The following MOB3B variants were observed in gnomAD, a reference collection of about 807,000 sequenced individuals.
The protein encoded by MOB3B is MOB kinase activator 3B, also known as MOB kinase activator-like 2B.
A neutral mutation model predicts 18.7 loss-of-function variants in MOB3B; 7 were observed. That is an observed-to-expected ratio of 0.37 (90% CI 0.21 to 0.70). The LOEUF (loss-of-function observed/expected upper bound fraction) is 0.70. MOB3B is among the 30% of genes least tolerant of loss of function. The pLI is 0.52. For missense variants in MOB3B, 253 were observed against 281.3 expected (o/e 0.90, Z 0.72); for synonymous variants, 111 against 99.9 (o/e 1.11, Z -0.66).
chr9:27,457,118 T>C (rs1819185967), intron 1 of MOB3B, among the ~76,000 whole-genome samples: 1 of 152,232 alleles, frequency 6.6e-6, no homozygotes, highest in South Asian at 2.1e-4. Flanking sequence ...GTTTGTTGAC[T>C]CCTAGCAAAT....
chr9:27,468,676 A>G (rs909849348), intron 1 of MOB3B, among the ~76,000 whole-genome samples: 7 of 152,184 alleles, frequency 4.6e-5, no homozygotes, highest in African/African-American at 1.7e-4. Context: ...GGTACCTAAC[A>G]CAGGACCCAG....
At chr9:27,481,647 T>G (rs1819658264) in intron 1 of MOB3B, among the ~76,000 whole-genome samples, 1 of 151,404 alleles carries the variant, frequency 6.6e-6, no homozygotes, top group African/African-American at 2.4e-5. Context: ...TGCCTCAGCC[T>G]CCCAAGTAGC....
chr9:27,524,740 A>T, intron 1 of MOB3B: 1 of 1,614,000 alleles, frequency 6.2e-7, no homozygotes, highest in Non-Finnish European at 8.5e-7. Context: ...GACAAGAATG[A>T]AAATGAAGAC....
chr9:27,364,713 G>T (rs1283956302), intron 2 of MOB3B, among the ~76,000 whole-genome samples: 2 of 152,192 alleles, frequency 1.3e-5, no homozygotes, highest in Non-Finnish European at 2.9e-5. Flanking sequence ...GTAGCTTAGG[G>T]TGTTGTGCAG....
At chr9:27,528,793 G>C (rs970060051) in intron 1 of MOB3B, among the ~76,000 whole-genome samples, 1 of 152,126 alleles carries the variant, frequency 6.6e-6, no homozygotes, top group South Asian at 2.1e-4. Flanking sequence ...GGGGGATCCC[G>C]AGAGATTTAG....
chr9:27,473,569 C>A (rs1271325826), intron 1 of MOB3B, among the ~76,000 whole-genome samples: 1 of 152,084 alleles, frequency 6.6e-6, no homozygotes, highest in Non-Finnish European at 1.5e-5. Context: ...ACACAGGGAC[C>A]TGACAATAGA....
At chr9:27,421,794 G>C (rs1428045688) in intron 2 of MOB3B, 2 of 152,332 alleles carry the variant, frequency 1.3e-5, no homozygotes, top group Non-Finnish European at 2.9e-5. Flanking sequence ...GCTTTCTCCA[G>C]ATGTCGGAGG....
chr9:27,354,474 T>C (rs1028557845), intron 3 of MOB3B, among the ~76,000 whole-genome samples: 1 of 152,222 alleles, frequency 6.6e-6, no homozygotes, highest in South Asian at 2.1e-4. Flanking sequence ...CTAAAGCTTA[T>C]GATGCATCCC....
At chr9:27,449,262 C>T (rs1402343577) in intron 2 of MOB3B, among the ~76,000 whole-genome samples, 2 of 152,158 alleles carry the variant, frequency 1.3e-5, no homozygotes, top group African/African-American at 4.8e-5. Context: ...TCTTTTAAAG[C>T]ACATTTTATT....
intron 2 of MOB3B, among the ~76,000 whole-genome samples, chr9:27,373,917 G>A (rs979727530): frequency 4.6e-5 from 7 of 152,234 alleles, no homozygotes; most frequent in Non-Finnish European, 4.4e-5. Flanking sequence ...CCAACTTGAT[G>A]AGTAAACAGG....
intron 2 of MOB3B, among the ~76,000 whole-genome samples, chr9:27,419,112 C>T (rs1332781903): frequency 6.8e-6 from 1 of 147,362 alleles, no homozygotes; most frequent in African/African-American, 2.5e-5. Flanking sequence ...AGTCGAAAGA[C>T]CTCTACAAGG....
chr9:27,485,919 C>G (rs1168798708), intron 1 of MOB3B, among the ~76,000 whole-genome samples: 1 of 152,176 alleles, frequency 6.6e-6, no homozygotes, highest in Non-Finnish European at 1.5e-5. Flanking sequence ...AGACTTTTTA[C>G]AAAGAGAGTC....
chr9:27,433,686 T>G (rs1822450671), intron 2 of MOB3B, among the ~76,000 whole-genome samples: 1 of 152,138 alleles, frequency 6.6e-6, no homozygotes, highest in African/African-American at 2.4e-5. Context: ...TCAAGGCCTT[T>G]AGAATTCCTG....
At chr9:27,493,233 G>A (rs914268750) in intron 1 of MOB3B, among the ~76,000 whole-genome samples, 2 of 152,200 alleles carry the variant, frequency 1.3e-5, no homozygotes, top group Non-Finnish European at 2.9e-5. Flanking sequence ...ACCGGCTGAA[G>A]CCATGACAGA....
At chr9:27,428,804 T>C (rs1287893212) in intron 2 of MOB3B, among the ~76,000 whole-genome samples, 1 of 152,168 alleles carries the variant, frequency 6.6e-6, no homozygotes, top group Non-Finnish European at 1.5e-5. Context: ...GCTGGAACAA[T>C]GGTAACCCAT....
chr9:27,445,545 T>C (rs1822676644), intron 2 of MOB3B, among the ~76,000 whole-genome samples: 1 of 152,188 alleles, frequency 6.6e-6, no homozygotes, highest in South Asian at 2.1e-4. Context: ...TTCAAAAACA[T>C]GGGAAGACAA....
intron 2 of MOB3B, among the ~76,000 whole-genome samples, chr9:27,390,736 G>A (rs551437392): frequency 6.6e-5 from 10 of 152,262 alleles, no homozygotes; most frequent in African/African-American, 2.4e-4. Flanking sequence ...TGGACTGAAT[G>A]TTTGAGTCCC....
chr9:27,490,115 C>T (rs1435641975), intron 1 of MOB3B, among the ~76,000 whole-genome samples: 8 of 152,088 alleles, frequency 5.3e-5, no homozygotes, highest in African/African-American at 1.7e-4. Flanking sequence ...GCCTCTTGTT[C>T]GAGCTCTCTG....
At chr9:27,518,437 C>T (rs149360343) in intron 1 of MOB3B, among the ~76,000 whole-genome samples, 3 of 152,180 alleles carry the variant, frequency 2.0e-5, no homozygotes, top group Admixed American at 6.5e-5. Context: ...AAGCCCCATT[C>T]GGGCTCAAAA....
Sources: allele counts gnomAD v4.1 joint callset (sites outside exome capture counted in the v4.1 genomes callset), GRCh38; gene constraint gnomAD v4.1.1; transcripts MANE v1.5; gene names NCBI Gene and HGNC (gene_info 2026-07-23, HGNC 2026-07-21).